SLC8A1: variants seen among roughly 807,000 people sequenced by gnomAD.
SLC8A1 encodes solute carrier family 8 member A1, also known as sodium/calcium exchanger 1.
SLC8A1 carries 18 observed loss-of-function variants against 68.3 expected under a neutral mutation model. That is an observed-to-expected ratio of 0.26 (90% confidence interval 0.18 to 0.39). The LOEUF is 0.39. Among genes scored for constraint, SLC8A1 ranks in the 10% least tolerant of loss-of-function variants. The probability of loss-of-function intolerance (pLI) is 1.00; values close to 1 mark genes in which losing one functional copy is unlikely to be tolerated. For synonymous variants in SLC8A1, 475 were observed against 415.5 expected (o/e 1.14, Z -1.74); for missense variants, 985 against 1,156.7 (o/e 0.85, Z 2.15).
intron 2 of SLC8A1, among the ~76,000 whole-genome samples, chr2:40,284,350 TATATAG>T (rs954159802): frequency 3.4e-4 from 46 of 136,788 alleles, no homozygotes; most frequent in South Asian, 9.9e-4. Context: ...TATATAAATA[TATATAG>T]ATATATACAT....
intron 2 of SLC8A1, among the ~76,000 whole-genome samples, chr2:40,363,191 T>A (rs989845022): frequency 2.0e-5 from 3 of 152,166 alleles, no homozygotes; most frequent in African/African-American, 7.2e-5. Context: ...ACCATATAAG[T>A]TAAGCTCAGA....
At chr2:40,290,508 C>A (rs1013492105) in intron 2 of SLC8A1, among the ~76,000 whole-genome samples, 6 of 152,242 alleles carry the variant, frequency 3.9e-5, no homozygotes, top group Admixed American at 2.6e-4. Context: ...CCAGATTTAC[C>A]ATAATGTGCG....
chr2:40,434,946 GC>G (rs529695554), intron 1 of SLC8A1, among the ~76,000 whole-genome samples: 9 of 152,296 alleles, frequency 5.9e-5, no homozygotes, highest in Non-Finnish European at 1.2e-4. Context: ...AAGAGGGAGA[GC>G]TTTTGGAGCA....
intron 2 of SLC8A1, among the ~76,000 whole-genome samples, chr2:40,372,011 A>G (rs1387308340): frequency 6.6e-6 from 1 of 152,144 alleles, no homozygotes; most frequent in Non-Finnish European, 1.5e-5. Context: ...TCTTTGGAGC[A>G]AATGAAATGC....
intron 2 of SLC8A1, among the ~76,000 whole-genome samples, chr2:40,374,082 T>C (rs1342114870): frequency 6.6e-6 from 1 of 151,922 alleles, no homozygotes; most frequent in East Asian, 1.9e-4. Context: ...CACACACAAA[T>C]CCACTGAGGA....
At chr2:40,357,654 A>T in intron 2 of SLC8A1, among the ~76,000 whole-genome samples, 1 of 152,168 alleles carries the variant, frequency 6.6e-6, no homozygotes, top group Non-Finnish European at 1.5e-5. Context: ...ACAAACCTGC[A>T]CGTTCTGCAC....
intron 2 of SLC8A1, among the ~76,000 whole-genome samples, chr2:40,201,478 G>C (rs1480274344): frequency 6.6e-6 from 1 of 151,876 alleles, no homozygotes; most frequent in Non-Finnish European, 1.5e-5. Context: ...TGATCTTGAT[G>C]ATCAACCACA....
intron 5 of SLC8A1, among the ~76,000 whole-genome samples, chr2:40,164,617 A>T (rs765646913): frequency 6.6e-6 from 1 of 152,294 alleles, no homozygotes; most frequent in South Asian, 2.1e-4. Context: ...GACCTTGTGC[A>T]GTCATAGATG....
At chr2:40,318,864 C>CT (rs1430413150) in intron 2 of SLC8A1, among the ~76,000 whole-genome samples, 2 of 151,838 alleles carry the variant, frequency 1.3e-5, no homozygotes, top group Non-Finnish European at 2.9e-5. Flanking sequence ...GGAAGTTGTT[C>CT]TTTTTTTTCC....
chr2:40,351,524 C>A (rs1671077335), intron 2 of SLC8A1, among the ~76,000 whole-genome samples: 1 of 151,650 alleles, frequency 6.6e-6, no homozygotes, highest in African/African-American at 2.4e-5. Context: ...ATCTCCAAAT[C>A]TAACATCTGT....
intron 1 of SLC8A1, among the ~76,000 whole-genome samples, chr2:40,470,938 C>T (rs1180426889): frequency 6.6e-6 from 1 of 152,114 alleles, no homozygotes. Flanking sequence ...ACCACTGTAT[C>T]TTCTTCTCTT....
chr2:40,308,932 T>A (rs13426714), intron 2 of SLC8A1, among the ~76,000 whole-genome samples: 2 of 152,124 alleles, frequency 1.3e-5, no homozygotes, highest in African/African-American at 2.4e-5. Flanking sequence ...AGAAATAACC[T>A]TGCAAAATAT....
intron 7 of SLC8A1, among the ~76,000 whole-genome samples, chr2:40,117,342 C>T (rs113434607): frequency 1.3e-3 from 166 of 131,870 alleles, no homozygotes; most frequent in African/African-American, 4.3e-3. Flanking sequence ...GTTAGGAGTT[C>T]GAGACCAGTT....
intron 2 of SLC8A1, among the ~76,000 whole-genome samples, chr2:40,321,979 G>C (rs1325202099): frequency 1.3e-5 from 2 of 152,118 alleles, no homozygotes; most frequent in Non-Finnish European, 2.9e-5. Context: ...AGTCAACTTA[G>C]GGTATGCTGG....
At chr2:40,402,932 T>A (rs1160460218) in intron 2 of SLC8A1, among the ~76,000 whole-genome samples, 1 of 152,200 alleles carries the variant, frequency 6.6e-6, no homozygotes, top group African/African-American at 2.4e-5. Context: ...TTTTTATTTG[T>A]GACTTACTGT....
chr2:40,222,397 G>A (rs1192776529), intron 2 of SLC8A1, among the ~76,000 whole-genome samples: 3 of 151,990 alleles, frequency 2.0e-5, no homozygotes, highest in African/African-American at 7.2e-5. Flanking sequence ...AAAGACTTCA[G>A]CATAAGACCT....
At chr2:40,353,891 G>T (rs182148480) in intron 2 of SLC8A1, among the ~76,000 whole-genome samples, 1 of 152,136 alleles carries the variant, frequency 6.6e-6, no homozygotes, top group Admixed American at 6.5e-5. Flanking sequence ...CTCACTGCCC[G>T]GTCTGTCTTC....
intron 2 of SLC8A1, among the ~76,000 whole-genome samples, chr2:40,211,244 C>A (rs1474481344): frequency 6.6e-6 from 1 of 152,152 alleles, no homozygotes; most frequent in African/African-American, 2.4e-5. Context: ...ACGTTGGCAC[C>A]TTTAACATAA....
At chr2:40,220,855 T>G (rs559400163) in intron 2 of SLC8A1, among the ~76,000 whole-genome samples, 8 of 152,002 alleles carry the variant, frequency 5.3e-5, no homozygotes, top group Admixed American at 2.6e-4. Context: ...CACTTCTTAA[T>G]AGTTGAATTT....
Sources: allele counts gnomAD v4.1 joint callset (sites outside exome capture counted in the v4.1 genomes callset), GRCh38; gene constraint gnomAD v4.1.1; transcripts MANE v1.5; gene names NCBI Gene and HGNC (gene_info 2026-07-23, HGNC 2026-07-21).